The following PIEZO1 variants were observed in gnomAD, a reference collection of about 807,000 sequenced individuals.
PIEZO1 encodes piezo type mechanosensitive ion channel component 1 (Er blood group).
Under a neutral mutation model 297.2 loss-of-function variants are expected in PIEZO1, and 296 were observed. That is an observed-to-expected ratio of 1.00 (90% CI 0.91 to 1.10). The LOEUF is 1.10. PIEZO1 is among the 50% of genes least tolerant of loss of function. PIEZO1 has a pLI of 0.00. For missense variants in PIEZO1, 5,018 were observed against 3,455.5 expected, an observed-to-expected ratio of 1.45 and a Z score of -11.34; for synonymous variants, 2,427 against 1,507.5, an observed-to-expected ratio of 1.61 and a Z score of -14.13.
chr16:88,783,570 CCT>C (rs1414611231), intron 1 of PIEZO1, among the ~76,000 whole-genome samples: 2 of 152,174 alleles, frequency 1.3e-5, no homozygotes, highest in African/African-American at 4.8e-5. Flanking sequence ...CTAGACTCTG[CCT>C]CTGTGCCAGG....
In PIEZO1 at chr16:88,736,176, C is replaced by A. The variant is rs894290626; in HGVS notation, c.1529G>T (p.Arg510Leu). The change falls in exon 12 of 51, where the codon CGC (arginine) becomes CTC (leucine). Residue 510 changes from arginine to leucine, a missense_variant. Coordinates refer to ENST00000301015, the MANE Select transcript of PIEZO1 (RefSeq NM_001142864.4). ...SLRQLGLEHTRYPCLDLGAML... is the reference protein window; with the variant it reads ...SLRQLGLEHTLYPCLDLGAML... Reference sequence around the variant, plus strand: ...GGCACCAAGGTCCAGACAGGGGTAGCGGGTGTGCTCCAGCCCCAGCTGGCG... The same window carrying A: ...GGCACCAAGGTCCAGACAGGGGTAGAGGGTGTGCTCCAGCCCCAGCTGGCG... 2 of 1,548,366 alleles carry A rather than the reference C, an allele frequency of 1.3e-6. No individual in the cohort carries two copies. Among genetic ancestry groups the A allele is most frequent in the African/African-American group, 1.4e-5 (1 of 72,994 alleles).
At chr16:88,742,525 G>A (rs905656794) in intron 2 of PIEZO1, 103 bp from the exon 3 acceptor site, 1 of 1,252,392 alleles carries the variant, frequency 8.0e-7, no homozygotes, top group African/African-American at 1.5e-5. Flanking sequence ...AGAGCCCAGA[G>A]GCCTGAGATG....
Position 88,723,342 on chromosome 16 carries a change from C to A in PIEZO1, c.4336-14G>T, listed in dbSNP as rs894769803. On this transcript the variant is annotated splice_polypyrimidine_tract_variant and intron_variant, in intron 31 of 50. Coordinates refer to ENST00000301015, the MANE Select transcript of PIEZO1 (RefSeq NM_001142864.4). ...CTGGTACGCCAGCTGTCGGCCAGCC[C>A]CCGGGTTAGGACCCGGCCTCCCGAG... is the stretch of plus-strand genomic sequence containing the variant. 8 of 1,536,574 alleles carry A rather than the reference C, an allele frequency of 5.2e-6. No homozygotes were observed. The African/African-American group carries it at 1.1e-4, about 21-fold the overall frequency.
chr16:88,721,461 C>T (rs768206234), intron 38 of PIEZO1, 31 bp from the exon 39 acceptor site: 2 of 1,539,230 alleles, frequency 1.3e-6, no homozygotes, highest in Non-Finnish European at 1.8e-6. Context: ...GTGAGGGGGC[C>T]TTGCCTCCCT....
Position 88,726,747 on chromosome 16 carries a change from C to G in PIEZO1, c.3667G>C (p.Val1223Leu). 3 of 1,549,988 alleles carry G rather than the reference C, an allele frequency of 1.9e-6. No individual in the cohort carries two copies. Among genetic ancestry groups the G allele is most frequent in the Non-Finnish European group, 2.6e-6 (3 of 1,146,812 alleles). Residue 1223 changes from valine (V) to leucine (L), a missense_variant, in exon 25 of 51, where the codon GTC becomes CTC. Val to Leu is a conservative substitution (Grantham distance 32). Coordinates refer to ENST00000301015, the MANE Select transcript of PIEZO1 (RefSeq NM_001142864.4). ...VLWDCLILYN[V>L]TVIISKNMLS... ...ATGTTCTTGGAGATGATGACGGTGA[C>G]GTTGTACAGAATGAGGCAGTCCCAC...
In PIEZO1 at chr16:88,742,402, G is replaced by A. The variant is rs755174284; in HGVS notation, c.181C>T (p.Arg61Trp). The A allele has an allele frequency of 5.9e-6, 9 of 1,534,958 alleles. No homozygotes were observed. Among genetic ancestry groups the A allele is most frequent in the South Asian group, 4.8e-5 (4 of 84,032 alleles). The change falls in exon 3 of 51, where the codon CGG (arginine) becomes TGG (tryptophan). Residue 61 changes from arginine (R) to tryptophan (W), a missense_variant. Transcript: ENST00000301015. ...AGCAGGCTGAGGCCCAGCAATGCCC[G>A]CAGGAGGCGGCCTGTGTGACCTGCG... ...GLQGHTGRLL[R>W]ALLGLSLLFL...
chr16:88,716,984 A>G, intron 45 of PIEZO1, 39 bp downstream of exon 45: 3 of 1,548,326 alleles, frequency 1.9e-6, no homozygotes, highest in Non-Finnish European at 2.6e-6. Flanking sequence ...CAGAACCCCC[A>G]GGGGATGGGA....
chr16:88,716,919 C>G (rs550529775), intron 45 of PIEZO1, 21 bp from the exon 46 acceptor site: 2 of 1,548,550 alleles, frequency 1.3e-6, no homozygotes, highest in African/African-American at 1.4e-5. Context: ...CACGGGGACA[C>G]GGGGCCACGA....
rs759526354 is a variant in PIEZO1, at chr16:88,732,742, G to A, written c.2665-10C>T. ...TGCTGTTGGGGAAGGGCTGGCAAGA[G>A]GCCAGGCATCAGTGCCCCCTCCCAG... On this transcript the variant is annotated splice_polypyrimidine_tract_variant and intron_variant, in intron 19 of 50. Transcript: ENST00000301015. 2.6e-6 allele frequency: 4 copies of A among 1,538,830 alleles called. No homozygotes were observed. The highest frequency in any genetic ancestry group is 3.5e-6 in the Non-Finnish European group (4 of 1,140,062).
At chr16:88,737,519 C>A (rs1567675375) in intron 10 of PIEZO1, 40 bp downstream of exon 10, 7 of 1,416,398 alleles carry the variant, frequency 4.9e-6, no homozygotes, top group Non-Finnish European at 5.7e-6. Flanking sequence ...TCCGCCCCGC[C>A]CCCCGCACCC....
At chr16:88,758,696 T>G (rs1459980079) in intron 1 of PIEZO1, among the ~76,000 whole-genome samples, 1 of 152,194 alleles carries the variant, frequency 6.6e-6, no homozygotes. Context: ...ATGACACCAC[T>G]GGGCTCTGGC....
rs1201502287 is a variant in PIEZO1, at chr16:88,741,608, A to G, written c.335T>C (p.Leu112Pro). 1 of 1,534,810 alleles carries G rather than the reference A, an allele frequency of 6.5e-7. No homozygotes were observed. Among genetic ancestry groups the G allele is most frequent in the Non-Finnish European group, 8.7e-7 (1 of 1,146,508 alleles). Reference protein sequence around the residue: ...SRHIGVTRLDLKDIPNAIRLV... With the variant: ...SRHIGVTRLDPKDIPNAIRLV... ...CCGGATGGCGTTGGGGATGTCCTTCAGGTCCAGCCTGCGGAGAGCAGGGAG... is the reference window on the plus strand; with the variant it reads ...CCGGATGGCGTTGGGGATGTCCTTCGGGTCCAGCCTGCGGAGAGCAGGGAG... The change falls in exon 5 of 51, where the codon CTG becomes CCG. Residue 112 changes from leucine to proline, a missense_variant. Transcript: ENST00000301015.
chr16:88,735,947 A>T (rs1206233655), intron 12 of PIEZO1, among the ~76,000 whole-genome samples: 1 of 152,258 alleles, frequency 6.6e-6, no homozygotes, highest in Non-Finnish European at 1.5e-5. Flanking sequence ...CCGTGCCAAC[A>T]CAAGGTTGTC....
At chr16:88,759,612 G>T (rs1285197648) in intron 1 of PIEZO1, among the ~76,000 whole-genome samples, 1 of 152,236 alleles carries the variant, frequency 6.6e-6, no homozygotes, top group Non-Finnish European at 1.5e-5. Flanking sequence ...GCCCTGCTCT[G>T]CAAGGGAGCC....
At chr16:88,742,211 C>T (rs1414291811) in intron 3 of PIEZO1, 89 bp downstream of exon 3, 79 of 1,499,984 alleles carry the variant, frequency 5.3e-5, no homozygotes, top group Non-Finnish European at 6.9e-5. Context: ...CAGGCTGAGT[C>T]AACCCCCCCA....
In PIEZO1 at chr16:88,753,009, G is replaced by T. The variant is rs570876334; in HGVS notation, c.65-3530C>A. 1.1e-4 allele frequency among the ~76,000 whole-genome samples: 16 copies of T among 152,030 alleles called. No homozygotes were observed. In the South Asian group the frequency reaches 3.3e-3, roughly 31 times the overall value. Reference sequence around the variant, plus strand: ...ACAGCTAAGGCTTGTCCCAGGTGGCGGCCACTCACCAACAACACAGACAAG... The same window carrying T: ...ACAGCTAAGGCTTGTCCCAGGTGGCTGCCACTCACCAACAACACAGACAAG... On this transcript the variant is annotated intron_variant, in intron 1 of 50. Transcript: ENST00000301015.
chr16:88,734,020 C>G lies in PIEZO1; in HGVS notation c.2215G>C (p.Glu739Gln), dbSNP rs567192344. 1.8e-4 allele frequency: 281 copies of G among 1,545,674 alleles called. No homozygotes were observed. In the African/African-American group the frequency reaches 3.6e-3, roughly 20 times the overall value. The change falls in exon 17 of 51, where the codon GAG becomes CAG. Residue 739 changes from glutamate (E) to glutamine (Q), a missense_variant. Coordinates refer to ENST00000301015, the MANE Select transcript of PIEZO1 (RefSeq NM_001142864.4). ...DAVSGTPLLR[E>Q]EQQEHQQQQQ... ...TGCTGCTGATGCTCCTGCTGCTCCT[C>G]CCGCAGCAGTGGGGTCCCACTCACT...
At chr16:88,766,946 C>A (rs1383342224) in intron 1 of PIEZO1, among the ~76,000 whole-genome samples, 1 of 152,230 alleles carries the variant, frequency 6.6e-6, no homozygotes, top group Non-Finnish European at 1.5e-5. Flanking sequence ...TCACTTTCCT[C>A]TTCTCCACTT....
chr16:88,735,639 T>A (rs1905160400), intron 12 of PIEZO1, among the ~76,000 whole-genome samples: 1 of 152,256 alleles, frequency 6.6e-6, no homozygotes, highest in South Asian at 2.1e-4. Context: ...GCTCACAAGT[T>A]TCACAAGATG....
Sources: allele counts gnomAD v4.1 joint callset (sites outside exome capture counted in the v4.1 genomes callset), GRCh38; gene constraint gnomAD v4.1.1; transcripts MANE v1.5; gene names NCBI Gene and HGNC (gene_info 2026-07-23, HGNC 2026-07-21).